CFAP99: variants seen among roughly 807,000 people sequenced by gnomAD.
CFAP99 encodes the protein cilia- and flagella-associated protein 99.
In CFAP99, 84 loss-of-function variants were observed where a neutral mutation model predicts 82.7. The ratio of observed to expected loss-of-function variants is 1.02; its 90% CI spans 0.85 to 1.22. CFAP99 has a LOEUF of 1.22. Among genes scored for constraint, CFAP99 ranks in the 50% most tolerant of loss-of-function variants. The pLI, the probability that CFAP99 is intolerant of heterozygous loss-of-function variation, is 0.00. For synonymous variants in CFAP99, 456 were observed against 429.5 expected, an observed-to-expected ratio of 1.06 and a Z score of -0.76; for missense variants, 1,059 against 983.5, an observed-to-expected ratio of 1.08 and a Z score of -1.03.
In CFAP99 at chr4:2,462,787, C is replaced by T; in HGVS notation, c.2006C>T (p.Ala669Val). 1 of 1,284,812 alleles carries T rather than the reference C, an allele frequency of 7.8e-7. No homozygotes were observed. The highest frequency in any genetic ancestry group is 4.1e-5 in the Admixed American group (1 of 24,438). 79.6% of individuals were successfully genotyped at this position (1,284,812 alleles called of 1,614,324 possible). The change falls in exon 15 of 15, where the codon GCC (alanine) becomes GTC (valine). Residue 669 changes from alanine to valine, a missense_variant. By Grantham distance (64) the Ala-to-Val change is moderately conservative. Coordinates refer to ENST00000635017, the Ensembl canonical transcript of CFAP99. This position sits in a 1 kb window ranked among gnomAD's most constrained non-coding sequence, Gnocchi z 4.1. ...GGCGGTGGGGGCGTCCCTGCCCGCG[C>T]CGACGCGTTCCCCGGCCTGCAGGCG...
chr4:2,423,839 G>A (rs2108707506), intron 1 of CFAP99, among the ~76,000 whole-genome samples: 1 of 151,694 alleles, frequency 6.6e-6, no homozygotes, highest in South Asian at 2.1e-4. Context: ...GACCGCACTG[G>A]CGCAGGAACG....
At chr4:2,441,268 G>T (rs976281338) in intron 4 of CFAP99, among the ~76,000 whole-genome samples, 2 of 151,012 alleles carry the variant, frequency 1.3e-5, no homozygotes, top group Non-Finnish European at 2.9e-5. Context: ...AGCTACTCAG[G>T]AGGCTGAGGC....
Position 2,462,827 on chromosome 4 carries a change from G to A in CFAP99, c.2046G>A (p.Gln682=). The change falls in exon 15 of 15, where the codon CAG becomes CAA. Residue 682 remains glutamine (Q), a synonymous_variant. Transcript: ENST00000635017. This position sits in a 1 kb window ranked among gnomAD's most constrained non-coding sequence, Gnocchi z 4.1. ...GCCTGCAGGCGCAGCTAGAGGCGCAGCACTGGCTGGAGCTGGAGCGGAGCC... is the reference window on the plus strand; with the variant it reads ...GCCTGCAGGCGCAGCTAGAGGCGCAACACTGGCTGGAGCTGGAGCGGAGCC... 7.3e-7 allele frequency: 1 copy of A among 1,376,318 alleles called. No individual in the cohort carries two copies. The highest frequency in any genetic ancestry group is 9.4e-7 in the Non-Finnish European group (1 of 1,063,954). 85.3% of individuals were successfully genotyped at this position (1,376,318 alleles called of 1,614,324 possible). A position where few individuals can be genotyped will look rare whatever the true frequency, so the allele number is the denominator to read the frequency against.
At chr4:2,439,336 G>A (rs1199886639) in intron 4 of CFAP99, among the ~76,000 whole-genome samples, 2 of 152,200 alleles carry the variant, frequency 1.3e-5, no homozygotes, top group Non-Finnish European at 2.9e-5. Context: ...TCTGCATGGA[G>A]GGGACAGTTT....
chr4:2,422,205 A>C (rs531943219), intron 1 of CFAP99, among the ~76,000 whole-genome samples: 1 of 152,312 alleles, frequency 6.6e-6, no homozygotes, highest in Admixed American at 6.5e-5. Flanking sequence ...TTCAGAATTC[A>C]AGCATCTCTT....
At chr4:2,447,350 A>ATGGG (rs1426431243) in intron 6 of CFAP99, among the ~76,000 whole-genome samples, 2 of 150,634 alleles carry the variant, frequency 1.3e-5, no homozygotes, top group Non-Finnish European at 3.0e-5. Context: ...GGATGGGTGG[A>ATGGG]TGGGTGGATG....
intron 2 of CFAP99, among the ~76,000 whole-genome samples, chr4:2,429,593 CTTTTT>C (rs33954359): frequency 1.4e-5 from 2 of 139,150 alleles, no homozygotes; most frequent in South Asian, 2.3e-4. Flanking sequence ...TTCTTTCTTT[CTTTTT>C]TTTTTTTTTT....
chr4:2,440,439 C>T (rs1734009117), intron 4 of CFAP99, among the ~76,000 whole-genome samples: 1 of 151,382 alleles, frequency 6.6e-6, no homozygotes, highest in Non-Finnish European at 1.5e-5. Context: ...AGCCACCGCG[C>T]CCGGCCGACA....
rs1733889135 is a variant in CFAP99, at chr4:2,435,540, T to C, written c.112-1334T>C. Among the ~76,000 whole-genome samples, 3 of 152,190 alleles carry C rather than the reference T, an allele frequency of 2.0e-5. No individual in the cohort carries two copies. In the South Asian group the frequency reaches 6.2e-4, roughly 32 times the overall value. On this transcript the variant is annotated intron_variant, in intron 2 of 14. Transcript: ENST00000635017. ...TCCCAATAAAAAAAGTTTAGCCAAT[T>C]ATATTTAATCATTTACAGTATCGTA...
chr4:2,451,347 G>A, exon 10 of CFAP99: 1 of 1,535,548 alleles, frequency 6.5e-7, no homozygotes, highest in Non-Finnish European at 8.7e-7. Context: ...AGCAGGAGCT[G>A]CAGAGGTGAA....
intron 9 of CFAP99, 89 bp from the exon 10 acceptor site, chr4:2,451,175 A>T (rs1734291846): frequency 6.8e-7 from 1 of 1,475,434 alleles, no homozygotes; most frequent in Non-Finnish European, 9.1e-7. Context: ...GGCAGGGGGC[A>T]GGTGTGACGG....
chr4:2,426,406 C>A, intron 1 of CFAP99, 53 bp from the exon 2 acceptor site: 2 of 1,140,890 alleles, frequency 1.8e-6, no homozygotes, highest in South Asian at 1.3e-5. Context: ...TGGGGAGGGT[C>A]CTGCGGCTAC....
At position 2,452,350 on chromosome 4, in the gene CFAP99, G is replaced by A. The variant is rs1230234606; in HGVS notation, c.1161+4G>A. On this transcript the variant is annotated splice_donor_region_variant and intron_variant, in intron 11 of 14. Coordinates refer to ENST00000635017, the Ensembl canonical transcript of CFAP99. ...GGTGGAGCAGCAGAAGGAGCAGGTG[G>A]GTGCCATGCAGGGCAGCTGGGCATG... 11 of 1,533,446 alleles carry A rather than the reference G, an allele frequency of 7.2e-6. No individual in the cohort carries two copies. Among genetic ancestry groups the A allele is most frequent in the Non-Finnish European group, 8.7e-6 (10 of 1,146,254 alleles). The allele number at this position is 1,533,446 out of a possible 1,614,324, so 95.0% of individuals were successfully genotyped here.
chr4:2,429,665 C>A (rs1048868720), intron 2 of CFAP99, among the ~76,000 whole-genome samples: 5 of 151,748 alleles, frequency 3.3e-5, no homozygotes, highest in Non-Finnish European at 7.4e-5. Context: ...CATCTCTGCT[C>A]ACTGCAAGCT....
At chr4:2,436,099 ATATATATG>A (rs1201512973) in intron 2 of CFAP99, among the ~76,000 whole-genome samples, 1 of 144,886 alleles carries the variant, frequency 6.9e-6, no homozygotes, top group African/African-American at 2.6e-5. Flanking sequence ...AAAAAAATCT[ATATATATG>A]TATATATAGA....
At chr4:2,447,809 AATGG>A (rs57747051) in intron 6 of CFAP99, among the ~76,000 whole-genome samples, 29,229 of 125,042 alleles carry the variant, frequency 0.23, 3,699 homozygotes, top group East Asian at 0.33. Context: ...TAGGTGAATT[AATGG>A]ATGGATGGGT....
intron 11 of CFAP99, among the ~76,000 whole-genome samples, chr4:2,457,434 T>C (rs1007967551): frequency 2.6e-5 from 4 of 152,234 alleles, no homozygotes; most frequent in African/African-American, 4.8e-5. Context: ...GTGCGAGCCA[T>C]GCTCTGTGGC....
intron 2 of CFAP99, chr4:2,426,988 G>T: frequency 4.4e-6 from 1 of 229,656 alleles, no homozygotes; most frequent in Non-Finnish European, 8.9e-6. Flanking sequence ...GCCACAACTT[G>T]TGCTGTATTT....
At chr4:2,431,375 A>AT (rs1733798195) in intron 2 of CFAP99, among the ~76,000 whole-genome samples, 1 of 151,982 alleles carries the variant, frequency 6.6e-6, no homozygotes, top group Admixed American at 6.6e-5. Context: ...TCTCAAAAAA[A>AT]AAAAAGTTGA....
Sources: allele counts gnomAD v4.1 joint callset (sites outside exome capture counted in the v4.1 genomes callset), GRCh38; gene constraint gnomAD v4.1.1; non-coding constraint Gnocchi (gnomAD v3.1); transcripts MANE v1.5; gene names NCBI Gene and HGNC (gene_info 2026-07-23, HGNC 2026-07-21).